UNC5D: variants seen among roughly 807,000 people sequenced by gnomAD.
UNC5D encodes the protein unc-5 netrin receptor D, also known as netrin receptor UNC5D.
A neutral mutation model predicts 105.4 loss-of-function variants in UNC5D; 39 were observed. The ratio of observed to expected loss-of-function variants is 0.37; its 90% CI spans 0.29 to 0.48. UNC5D has a LOEUF of 0.48. UNC5D is among the 20% of genes least tolerant of loss of function. The probability of loss-of-function intolerance (pLI) is 0.98; values close to 1 mark genes in which losing one functional copy is unlikely to be tolerated. For synonymous variants in UNC5D, 452 were observed against 450.4 expected (o/e 1.00, Z -0.04); for missense variants, 991 against 1,202.4 (o/e 0.82, Z 2.60).
At chr8:35,542,701 CAG>C (rs1815363520) in intron 1 of UNC5D, among the ~76,000 whole-genome samples, 1 of 152,124 alleles carries the variant, frequency 6.6e-6, no homozygotes, top group Non-Finnish European at 1.5e-5. Context: ...TTTCACCTAA[CAG>C]AATTTTACTA....
At chr8:35,435,291 T>C (rs1381173605) in intron 1 of UNC5D, among the ~76,000 whole-genome samples, 2 of 152,116 alleles carry the variant, frequency 1.3e-5, no homozygotes, top group Non-Finnish European at 2.9e-5. Context: ...ACATTAAAGA[T>C]TGCATTTCAC....
At chr8:35,662,934 G>A (rs542181336) in intron 4 of UNC5D, among the ~76,000 whole-genome samples, 1 of 152,278 alleles carries the variant, frequency 6.6e-6, no homozygotes, top group South Asian at 2.1e-4. Context: ...AAACTCTCTT[G>A]TGAACTGCGT....
In UNC5D at chr8:35,505,515, G is replaced by A. The variant is rs1812253759; in HGVS notation, c.104-43777G>A. Among the ~76,000 whole-genome samples, 3 of 152,292 alleles carry A rather than the reference G, an allele frequency of 2.0e-5. No homozygotes were observed. In the South Asian group the frequency reaches 6.2e-4, roughly 32 times the overall value. ...GAATTAATTTGAGGCCAGGTCTGTG[G>A]TAAGGGTGTAGATGATCAAGATAGG... On this transcript the variant is annotated intron_variant, in intron 1 of 16. Coordinates refer to ENST00000404895, the MANE Select transcript of UNC5D (RefSeq NM_080872.4).
intron 1 of UNC5D, among the ~76,000 whole-genome samples, chr8:35,329,440 A>G (rs1294675335): frequency 2.6e-5 from 4 of 151,564 alleles, no homozygotes; most frequent in African/African-American, 7.3e-5. Context: ...GGGAAAAAAA[A>G]GGATAGAAAA....
intron 4 of UNC5D, among the ~76,000 whole-genome samples, chr8:35,667,767 C>T (rs1824524906): frequency 6.6e-6 from 1 of 152,124 alleles, no homozygotes; most frequent in South Asian, 2.1e-4. Context: ...GAGATATTTC[C>T]AATTCTATTA....
At chr8:35,486,927 T>A (rs1206227541) in intron 1 of UNC5D, among the ~76,000 whole-genome samples, 1 of 152,118 alleles carries the variant, frequency 6.6e-6, no homozygotes, top group East Asian at 1.9e-4. Flanking sequence ...ACTAACTGCA[T>A]GTGAGATGGG....
chr8:35,389,687 C>T (rs1016179378), intron 1 of UNC5D, among the ~76,000 whole-genome samples: 8 of 147,948 alleles, frequency 5.4e-5, no homozygotes, highest in African/African-American at 1.8e-4. Flanking sequence ...GATTTTGCAA[C>T]CATAGTTTAC....
intron 1 of UNC5D, among the ~76,000 whole-genome samples, chr8:35,492,088 C>G (rs1449247598): frequency 6.6e-6 from 1 of 150,990 alleles, no homozygotes; most frequent in Non-Finnish European, 1.5e-5. Flanking sequence ...CAGAACATCA[C>G]TTTTCTTCTT....
intron 1 of UNC5D, among the ~76,000 whole-genome samples, chr8:35,353,251 T>C (rs1812367480): frequency 6.6e-6 from 1 of 152,172 alleles, no homozygotes; most frequent in African/African-American, 2.4e-5. Flanking sequence ...CATAAGAATA[T>C]GAGCCAAGCA....
chr8:35,424,092 A>T (rs1049368454), intron 1 of UNC5D, among the ~76,000 whole-genome samples: 1 of 152,072 alleles, frequency 6.6e-6, no homozygotes, highest in Non-Finnish European at 1.5e-5. Flanking sequence ...GAGCCACTGC[A>T]CCCAGCCAAG....
At chr8:35,524,732 TAAG>T (rs1813736771) in intron 1 of UNC5D, among the ~76,000 whole-genome samples, 2 of 151,530 alleles carry the variant, frequency 1.3e-5, no homozygotes, top group Non-Finnish European at 2.9e-5. Context: ...GGTCTCAACT[TAAG>T]AATCACAGTC....
At chr8:35,444,120 G>A (rs760932556) in intron 1 of UNC5D, among the ~76,000 whole-genome samples, 4 of 151,882 alleles carry the variant, frequency 2.6e-5, no homozygotes, top group Non-Finnish European at 5.9e-5. Context: ...ATCTCTGAAT[G>A]TTCGTCCTCC....
At chr8:35,501,562 G>A (rs1382604509) in intron 1 of UNC5D, among the ~76,000 whole-genome samples, 15 of 152,178 alleles carry the variant, frequency 9.9e-5, no homozygotes. Flanking sequence ...AAATCTCCGT[G>A]CAAGGGCAGA....
At chr8:35,782,031 G>A (rs562011345) in intron 16 of UNC5D, among the ~76,000 whole-genome samples, 4 of 152,248 alleles carry the variant, frequency 2.6e-5, no homozygotes, top group South Asian at 2.1e-4. Context: ...CTTCCCTTTC[G>A]GGTTTTCCAT....
chr8:35,743,793 AT>A (rs1028487732), intron 11 of UNC5D, among the ~76,000 whole-genome samples: 18 of 152,158 alleles, frequency 1.2e-4, no homozygotes, highest in Middle Eastern at 3.4e-3. Context: ...GCATATGTGT[AT>A]TTTTTAACCG....
chr8:35,697,187 C>CAT (rs776195201), intron 7 of UNC5D, among the ~76,000 whole-genome samples: 6 of 151,700 alleles, frequency 4.0e-5, no homozygotes, highest in African/African-American at 7.3e-5. Flanking sequence ...AATAGATACA[C>CAT]ATATATATAC....
chr8:35,496,449 C>T (rs1026891859), intron 1 of UNC5D, among the ~76,000 whole-genome samples: 2 of 151,902 alleles, frequency 1.3e-5, no homozygotes, highest in East Asian at 3.9e-4. Context: ...TCACAGTGGC[C>T]AGGGAAAAGA....
chr8:35,698,434 C>T (rs149402467), intron 7 of UNC5D, among the ~76,000 whole-genome samples: 36 of 152,186 alleles, frequency 2.4e-4, no homozygotes, highest in African/African-American at 8.2e-4. Flanking sequence ...CCAGCCTCAG[C>T]CCTCAGCAAC....
chr8:35,383,923 A>G (rs949539318), intron 1 of UNC5D, among the ~76,000 whole-genome samples: 8 of 152,030 alleles, frequency 5.3e-5, no homozygotes, highest in Non-Finnish European at 1.2e-4. Flanking sequence ...TACTGAAAAA[A>G]TAAAAATAAG....
Sources: gnomAD v4.1 joint callset for allele counts (sites outside exome capture counted in the v4.1 genomes callset) on GRCh38, gnomAD v4.1.1 for gene constraint, MANE v1.5 for transcripts, NCBI Gene and HGNC (gene_info 2026-07-23, HGNC 2026-07-21) for gene names.